CDH12: variants seen among roughly 807,000 people sequenced by gnomAD.
The protein encoded by CDH12 is cadherin-12.
In CDH12, 41 loss-of-function variants were observed where a neutral mutation model predicts 74.1. The observed-to-expected ratio is 0.55, with a 90% CI of 0.43 to 0.72. CDH12 has a LOEUF of 0.72. Ranked by LOEUF, CDH12 falls within the 30% of genes least tolerant of loss-of-function variation. The pLI is 0.00. For synonymous variants in CDH12, 399 were observed against 355.0 expected (o/e 1.12, Z -1.39); for missense variants, 945 against 977.2 (o/e 0.97, Z 0.44).
intron 5 of CDH12, among the ~76,000 whole-genome samples, chr5:22,036,444 C>A (rs1223541541): frequency 3.9e-5 from 6 of 152,124 alleles, no homozygotes; most frequent in African/African-American, 1.4e-4. Context: ...GGGACCCTTT[C>A]AGAAAGCCAT....
chr5:22,666,182 T>G (rs1384318384), intron 1 of CDH12, among the ~76,000 whole-genome samples: 1 of 152,116 alleles, frequency 6.6e-6, no homozygotes, highest in Non-Finnish European at 1.5e-5. Context: ...TGAGACTAAT[T>G]TGAACACCCT....
intron 8 of CDH12, among the ~76,000 whole-genome samples, chr5:21,818,063 T>C (rs1248086371): frequency 6.6e-6 from 1 of 151,994 alleles, no homozygotes. Flanking sequence ...CAAATATTAA[T>C]GAGTTTAACA....
intron 8 of CDH12, among the ~76,000 whole-genome samples, chr5:21,825,107 C>A (rs868169975): frequency 3.4e-5 from 5 of 149,110 alleles, no homozygotes; most frequent in South Asian, 2.1e-4. Flanking sequence ...GAGCTGAGAT[C>A]ATGCCACTGC....
chr5:22,832,082 A>T (rs2126502551), intron 1 of CDH12, among the ~76,000 whole-genome samples: 1 of 152,320 alleles, frequency 6.6e-6, no homozygotes, highest in African/African-American at 2.4e-5. Flanking sequence ...TAGAATAAAA[A>T]TAAAAAAAGT....
At chr5:21,752,326 T>A in intron 14 of CDH12, 90 bp from the exon 15 acceptor site, 1 of 1,118,472 alleles carries the variant, frequency 8.9e-7, no homozygotes, top group Non-Finnish European at 1.3e-6. Context: ...TAGGGGTGGC[T>A]GAGTTTCGTG....
chr5:21,982,317 T>C (rs1757339449), intron 5 of CDH12, among the ~76,000 whole-genome samples: 1 of 152,080 alleles, frequency 6.6e-6, no homozygotes, highest in Non-Finnish European at 1.5e-5. Flanking sequence ...GTCTTGAGCC[T>C]GCCCGTCTTT....
chr5:22,200,554 C>T (rs1750872942), intron 4 of CDH12, among the ~76,000 whole-genome samples: 1 of 152,132 alleles, frequency 6.6e-6, no homozygotes, highest in Admixed American at 6.5e-5. Flanking sequence ...TCTACATCAT[C>T]CATAAGGTGG....
At chr5:22,729,708 A>G (rs1382827566) in intron 1 of CDH12, among the ~76,000 whole-genome samples, 1 of 151,888 alleles carries the variant, frequency 6.6e-6, no homozygotes, top group Admixed American at 6.6e-5. Context: ...CTCTTAGTAG[A>G]ATTTTAGTTT....
intron 8 of CDH12, among the ~76,000 whole-genome samples, chr5:21,824,063 A>C (rs1325272131): frequency 1.3e-5 from 2 of 152,144 alleles, no homozygotes; most frequent in Non-Finnish European, 2.9e-5. Context: ...AAATCATATT[A>C]ACTAGCACAT....
chr5:21,979,810 G>GA (rs1757228000), intron 5 of CDH12, among the ~76,000 whole-genome samples: 1 of 148,938 alleles, frequency 6.7e-6, no homozygotes. Context: ...TTTTACATGA[G>GA]TAAAAAAAAA....
intron 3 of CDH12, among the ~76,000 whole-genome samples, chr5:22,237,306 T>C (rs1382001800): frequency 6.6e-6 from 1 of 152,194 alleles, no homozygotes; most frequent in African/African-American, 2.4e-5. Flanking sequence ...TATCTGATTT[T>C]TCAAGTAATC....
At chr5:22,060,169 G>A (rs1364478844) in intron 5 of CDH12, among the ~76,000 whole-genome samples, 2 of 152,052 alleles carry the variant, frequency 1.3e-5, no homozygotes, top group African/African-American at 4.8e-5. Context: ...TCCTTTGCAG[G>A]GACATGGATG....
At chr5:22,172,025 A>T (rs1749061627) in intron 4 of CDH12, among the ~76,000 whole-genome samples, 1 of 151,936 alleles carries the variant, frequency 6.6e-6, no homozygotes, top group African/African-American at 2.4e-5. Context: ...AGATATTTTA[A>T]GTTCATTGTG....
At chr5:21,830,548 A>G (rs1046607120) in intron 8 of CDH12, among the ~76,000 whole-genome samples, 11 of 152,254 alleles carry the variant, frequency 7.2e-5, no homozygotes, top group African/African-American at 2.6e-4. Flanking sequence ...TATAAAATGG[A>G]ATTATCTCTG....
intron 3 of CDH12, among the ~76,000 whole-genome samples, chr5:22,224,630 T>C (rs1439725657): frequency 3.9e-5 from 6 of 152,054 alleles, no homozygotes; most frequent in African/African-American, 1.4e-4. Context: ...GTGAGTCATA[T>C]AAAAACAGGC....
intron 1 of CDH12, among the ~76,000 whole-genome samples, chr5:22,588,433 GC>G (rs1205426868): frequency 2.6e-5 from 4 of 152,056 alleles, no homozygotes; most frequent in Non-Finnish European, 4.4e-5. Context: ...AGCAAAATTT[GC>G]CACTGAAGTT....
At chr5:22,495,436 G>C (rs1176223611) in intron 2 of CDH12, among the ~76,000 whole-genome samples, 1 of 152,046 alleles carries the variant, frequency 6.6e-6, no homozygotes, top group Non-Finnish European at 1.5e-5. Context: ...AAGGTGGTGG[G>C]GCTAAATGTG....
intron 1 of CDH12, among the ~76,000 whole-genome samples, chr5:22,765,915 A>T (rs1021044876): frequency 6.6e-6 from 1 of 151,948 alleles, no homozygotes; most frequent in East Asian, 1.9e-4. Context: ...TATGTAAAAA[A>T]ATACGTACAA....
intron 3 of CDH12, among the ~76,000 whole-genome samples, chr5:22,381,505 T>A (rs1390150798): frequency 1.3e-5 from 2 of 152,070 alleles, no homozygotes; most frequent in African/African-American, 4.8e-5. Flanking sequence ...TTTATTTATT[T>A]ATTTTTCTTT....
Sources: allele counts gnomAD v4.1 joint callset (sites outside exome capture counted in the v4.1 genomes callset), GRCh38; gene constraint gnomAD v4.1.1; transcripts MANE v1.5; gene names NCBI Gene and HGNC (gene_info 2026-07-23, HGNC 2026-07-21).